Variants in CACNA1C observed in about 807,000 individuals in gnomAD.
The protein encoded by CACNA1C is voltage-dependent L-type calcium channel subunit alpha-1C.
A neutral mutation model predicts 229.0 loss-of-function variants in CACNA1C; 30 were observed. The observed-to-expected ratio is 0.13, with a 90% confidence interval of 0.10 to 0.18. CACNA1C has a LOEUF of 0.18. Among genes scored for constraint, CACNA1C ranks in the 10% least tolerant of loss-of-function variants. CACNA1C has a pLI of 1.00. For synonymous variants in CACNA1C, 1,114 were observed against 1,132.5 expected (o/e 0.98, Z 0.33); for missense variants, 1,658 against 2,845.0 (o/e 0.58, Z 9.49).
chr12:2,361,333 A>G (rs1043472346), intron 3 of CACNA1C, among the ~76,000 whole-genome samples: 1 of 152,158 alleles, frequency 6.6e-6, no homozygotes, highest in East Asian at 1.9e-4. Context: ...TTTGGGGCAC[A>G]TTGCTACCTA....
chr12:2,651,053 G>A lies in CACNA1C; in HGVS notation c.3946-587G>A, dbSNP rs1182554756. The A allele has an allele frequency of 2.0e-5, 3 of 153,128 alleles. No homozygotes were observed. In the East Asian group the frequency reaches 5.8e-4, roughly 29 times the overall value. The allele number at this position is 153,128 out of a possible 1,614,324, so 9.5% of individuals were successfully genotyped here. A position where few individuals can be genotyped will look rare whatever the true frequency, so the allele number is the denominator to read the frequency against. On this transcript the variant is annotated intron_variant, in intron 31 of 46. Transcript: ENST00000399655. The surrounding 1 kb of genome is among the most constrained non-coding windows in gnomAD (Gnocchi z 5.4). ...ACAGGGGCTGTGGAAAGTAGAAGGAGGTGATACAAGGAAAGTGCTGGAGTC... is the reference window on the plus strand; with the variant it reads ...ACAGGGGCTGTGGAAAGTAGAAGGAAGTGATACAAGGAAAGTGCTGGAGTC...
intron 3 of CACNA1C, among the ~76,000 whole-genome samples, chr12:2,147,697 A>C (rs1169296777): frequency 6.6e-6 from 1 of 150,598 alleles, no homozygotes; most frequent in Non-Finnish European, 1.5e-5. Flanking sequence ...AAATTAATGA[A>C]AATACGATGG....
intron 11 of CACNA1C, among the ~76,000 whole-genome samples, chr12:2,565,284 A>AC: frequency 6.6e-6 from 1 of 151,638 alleles, no homozygotes; most frequent in East Asian, 2.0e-4. Flanking sequence ...CTGGCTAACA[A>AC]GGTGAAACCC....
At chr12:2,420,893 G>C (rs189106237) in intron 3 of CACNA1C, among the ~76,000 whole-genome samples, 4 of 152,330 alleles carry the variant, frequency 2.6e-5, no homozygotes. Flanking sequence ...CAGTTCTGGA[G>C]CCCCGAATGT....
chr12:2,122,437 C>T (rs1331114446), intron 3 of CACNA1C, among the ~76,000 whole-genome samples: 1 of 152,176 alleles, frequency 6.6e-6, no homozygotes, highest in Non-Finnish European at 1.5e-5. Flanking sequence ...TCAGAAAACC[C>T]TTAAAACAGA....
chr12:2,025,370 T>G (rs144389374), intron 1 of CACNA1C, among the ~76,000 whole-genome samples: 2 of 152,170 alleles, frequency 1.3e-5, no homozygotes, highest in African/African-American at 4.8e-5. Flanking sequence ...ATCCATTAGG[T>G]GAGTACCCTG....
chr12:2,691,276 T>C lies in CACNA1C; in HGVS notation c.*77T>C. The C allele has an allele frequency of 7.4e-7, 1 of 1,355,206 alleles. No homozygotes were observed. Among genetic ancestry groups the C allele is most frequent in the Non-Finnish European group, 9.8e-7 (1 of 1,020,118 alleles). The allele number at this position is 1,355,206 out of a possible 1,614,324, so 83.9% of individuals were successfully genotyped here. On this transcript the variant is annotated 3_prime_UTR_variant, in exon 47 of 47. Coordinates refer to ENST00000399655, the MANE Select transcript of CACNA1C (RefSeq NM_000719.7). ...GGTTCGTTTCAGAAGTGCCTCACTG[T>C]TCTCGTGACCTGGAGTTAACCGGAA...
At chr12:2,436,904 C>A (rs2099140212) in intron 3 of CACNA1C, among the ~76,000 whole-genome samples, 1 of 152,254 alleles carries the variant, frequency 6.6e-6, no homozygotes. Flanking sequence ...TCTTTGCCCA[C>A]CCTCAGCATG....
chr12:2,427,759 T>C (rs1346734403), intron 3 of CACNA1C, among the ~76,000 whole-genome samples: 1 of 152,106 alleles, frequency 6.6e-6, no homozygotes, highest in African/African-American at 2.4e-5. Flanking sequence ...GTAGCTGGAA[T>C]TACACACATG....
chr12:2,600,443 G>T (rs2071370145), intron 21 of CACNA1C, among the ~76,000 whole-genome samples: 1 of 152,198 alleles, frequency 6.6e-6, no homozygotes, highest in African/African-American at 2.4e-5. Flanking sequence ...ACTCTGCCCT[G>T]GGCATGCTCT....
At chr12:2,307,349 T>C (rs1196940061) in intron 3 of CACNA1C, among the ~76,000 whole-genome samples, 2 of 152,182 alleles carry the variant, frequency 1.3e-5, no homozygotes, top group Non-Finnish European at 2.9e-5. Flanking sequence ...TAGTTTAACC[T>C]CCTTTATTTA....
At chr12:2,500,587 C>T (rs995096735) in intron 7 of CACNA1C, among the ~76,000 whole-genome samples, 16 of 152,274 alleles carry the variant, frequency 1.1e-4, no homozygotes, top group African/African-American at 3.9e-4. Context: ...GTGGTGAGCA[C>T]GTCGTGGCCT....
chr12:2,564,143 G>GAC lies in CACNA1C; in HGVS notation c.1509-2268_1509-2267dup, dbSNP rs1253163195. Among the ~76,000 whole-genome samples the GAC allele has an allele frequency of 5.3e-5, 8 of 152,230 alleles. No individual in the cohort carries two copies. The South Asian group carries it at 1.5e-3, about 28-fold the overall frequency. On this transcript the variant is annotated intron_variant, in intron 11 of 46. Transcript: ENST00000399655. Reference sequence around the variant, plus strand: ...ATCCAGACTTAGTATGCCACACACAGACACACACACACCGGAAACAAAGTT... The same window carrying GAC: ...ATCCAGACTTAGTATGCCACACACAGACACACACACACACCGGAAACAAAGTT...
chr12:2,097,409 G>A (rs1300433395), intron 1 of CACNA1C, among the ~76,000 whole-genome samples: 2 of 152,120 alleles, frequency 1.3e-5, no homozygotes, highest in Admixed American at 6.5e-5. Context: ...ACCTCCCAAA[G>A]TGCTGGGATT....
At chr12:2,614,836 T>C (rs2079633126) in intron 29 of CACNA1C, 1 of 152,200 alleles carries the variant, frequency 6.6e-6, no homozygotes, top group Non-Finnish European at 1.5e-5. Flanking sequence ...ATTCTTTCAT[T>C]GTTTTCATGG....
intron 3 of CACNA1C, among the ~76,000 whole-genome samples, chr12:2,302,586 A>G (rs1466547704): frequency 6.6e-6 from 1 of 152,002 alleles, no homozygotes; most frequent in African/African-American, 2.4e-5. Flanking sequence ...ATGCTCCACC[A>G]GTGAGCCAGG....
In CACNA1C at chr12:2,677,556, C is replaced by A; in HGVS notation, c.4957-177C>A. ...CTCCTGGATGGGCGAGTGGATTGTT[C>A]CATCAGAGGGCAGCCCAGCCCCCAG... On this transcript the variant is annotated intron_variant, in intron 40 of 46. Coordinates refer to ENST00000399655, the MANE Select transcript of CACNA1C (RefSeq NM_000719.7). The surrounding 1 kb of genome is among the most constrained non-coding windows in gnomAD (Gnocchi z 7.4). The A allele has an allele frequency of 1.4e-6, 1 of 711,394 alleles. No homozygotes were observed. Among genetic ancestry groups the A allele is most frequent in the Non-Finnish European group, 2.3e-6 (1 of 426,592 alleles). The allele number at this position is 711,394 out of a possible 1,614,324, so 44.1% of individuals were successfully genotyped here. A position where few individuals can be genotyped will look rare whatever the true frequency, so the allele number is the denominator to read the frequency against.
Position 2,479,441 on chromosome 12 carries a change from G to A in CACNA1C, c.758-6663G>A, listed in dbSNP as rs569237455. 6.6e-6 allele frequency among the ~76,000 whole-genome samples: 1 copy of A among 152,268 alleles called. No homozygotes were observed. Among genetic ancestry groups the A allele is most frequent in the East Asian group, 1.9e-4 (1 of 5,178 alleles). On this transcript the variant is annotated intron_variant, in intron 5 of 46. Coordinates refer to ENST00000399655, the MANE Select transcript of CACNA1C (RefSeq NM_000719.7). The surrounding 1 kb of genome is among the most constrained non-coding windows in gnomAD (Gnocchi z 4.3). ...AGATGACATCCAATTCTAAGAGGAA[G>A]GACTTGTAGCGAAGCTTAGAATTTG...
chr12:2,490,761 A>G (rs1460389252), intron 6 of CACNA1C, among the ~76,000 whole-genome samples: 1 of 152,246 alleles, frequency 6.6e-6, no homozygotes, highest in East Asian at 1.9e-4. Context: ...AAAAAGTTGT[A>G]GTTAGAGGAC....
Sources: gnomAD v4.1 joint callset for allele counts (sites outside exome capture counted in the v4.1 genomes callset) on GRCh38, gnomAD v4.1.1 for gene constraint, Gnocchi (gnomAD v3.1) non-coding constraint, MANE v1.5 for transcripts, NCBI Gene and HGNC (gene_info 2026-07-23, HGNC 2026-07-21) for gene names.